ITGA11: variants seen among roughly 807,000 people sequenced by gnomAD.
The protein encoded by ITGA11 is integrin subunit alpha 11, also known as integrin alpha-11.
A neutral mutation model predicts 141.9 loss-of-function variants in ITGA11; 97 were observed. The ratio of observed to expected loss-of-function variants is 0.68; its 90% CI spans 0.58 to 0.81. The LOEUF (loss-of-function observed/expected upper bound fraction) is 0.81. Among genes scored for constraint, ITGA11 ranks in the 30% least tolerant of loss-of-function variants. The pLI is 0.00. For synonymous variants in ITGA11, 658 were observed against 624.6 expected (o/e 1.05, Z -0.80); for missense variants, 1,387 against 1,559.2 (o/e 0.89, Z 1.86).
rs151266879 is a variant in ITGA11, at chr15:68,369,203, G to T, written c.246C>A (p.Asn82Lys). 128 of 1,613,698 alleles carry T rather than the reference G, an allele frequency of 7.9e-5. No homozygotes were observed. Among genetic ancestry groups the T allele is most frequent in the Non-Finnish European group, 1.0e-4 (120 of 1,179,622 alleles). The stretch of plus-strand genomic sequence containing the variant: ...CGTTACCCAGGTTGAGTTTGGTGCA[G>T]TTCCCGTGGATCACTGGACACTTGT... ...DVYKCPVIHG[N>K]CTKLNLGRVT... Residue 82 changes from asparagine to lysine, a missense_variant, in exon 3 of 30, where the codon AAC (asparagine) becomes AAA (lysine). Coordinates refer to ENST00000315757, the MANE Select transcript of ITGA11 (RefSeq NM_001004439.2).
intron 2 of ITGA11, among the ~76,000 whole-genome samples, chr15:68,380,612 C>A (rs931435875): frequency 7.2e-5 from 11 of 152,108 alleles, no homozygotes; most frequent in Admixed American, 5.9e-4. Flanking sequence ...CTGGAGGGGG[C>A]AACTCCTGGA....
rs118033233 is a variant in ITGA11 at position 68,320,658 on chromosome 15, C to T, written c.2409-266G>A. ...AACCCAGAGCTCTTATTTGACCTCA[C>T]CACTCACGCATCACCACTCCGCACA... On this transcript the variant is annotated intron_variant, in intron 19 of 29. Transcript: ENST00000315757. Among the ~76,000 whole-genome samples, 550 of 152,326 alleles carry T rather than the reference C, an allele frequency of 3.6e-3. 5 individuals carry two copies. Among genetic ancestry groups the T allele is most frequent in the Non-Finnish European group, 2.3e-3 (158 of 68,040 alleles).
intron 2 of ITGA11, among the ~76,000 whole-genome samples, chr15:68,398,828 T>A (rs1896391999): frequency 7.7e-3 from 1 of 130 alleles, no homozygotes. Context: ...TAGTATAAAA[T>A]ATAAATATTT....
Position 68,328,341 on chromosome 15 carries a change from C to T in ITGA11, c.1902-79G>A, listed in dbSNP as rs534512794. ...CTGTGACCATGGGGAAAGACAAGAA[C>T]CAGATGCGAGTGGGATCTGCAAAGC... On this transcript the variant is annotated intron_variant, in intron 15 of 29. Coordinates refer to ENST00000315757, the MANE Select transcript of ITGA11 (RefSeq NM_001004439.2). This position sits in a 1 kb window ranked among gnomAD's most constrained non-coding sequence, Gnocchi z 4.8. The T allele has an allele frequency of 7.7e-4, 1,066 of 1,376,768 alleles. 11 individuals carry two copies. In the South Asian group the frequency reaches 0.011, roughly 14 times the overall value. The allele number at this position is 1,376,768 out of a possible 1,614,324, so 85.3% of individuals were successfully genotyped here. A position where few individuals can be genotyped will look rare whatever the true frequency, so the allele number is the denominator to read the frequency against.
Position 68,308,357 on chromosome 15 carries a change from A to G in ITGA11, c.3175-661T>C, listed in dbSNP as rs1019992375. Among the ~76,000 whole-genome samples the G allele has an allele frequency of 2.0e-5, 3 of 152,244 alleles. No homozygotes were observed. Among genetic ancestry groups the G allele is most frequent in the Admixed American group, 2.0e-4 (3 of 15,288 alleles). On this transcript the variant is annotated intron_variant, in intron 26 of 29. Transcript: ENST00000315757. This position sits in a 1 kb window ranked among gnomAD's most constrained non-coding sequence, Gnocchi z 5.2. ...AAATTTATGGTGAAACTTGAGTGAA[A>G]GAACAGTGAAATCACTGATGCTTTA...
intron 1 of ITGA11, among the ~76,000 whole-genome samples, chr15:68,416,909 C>A (rs1165856927): frequency 6.6e-6 from 1 of 152,114 alleles, no homozygotes; most frequent in African/African-American, 2.4e-5. Flanking sequence ...TATGGAGACC[C>A]CATCTCCGTA....
At chr15:68,311,471 G>T (rs1176056170) in intron 24 of ITGA11, 68 bp from the exon 25 acceptor site, 2 of 1,102,102 alleles carry the variant, frequency 1.8e-6, no homozygotes, top group African/African-American at 1.6e-5. Context: ...GTCCACAGGG[G>T]CCAACCAGCC....
intron 14 of ITGA11, among the ~76,000 whole-genome samples, chr15:68,331,431 C>T (rs1894153532): frequency 6.6e-6 from 1 of 152,096 alleles, no homozygotes; most frequent in Non-Finnish European, 1.5e-5. Flanking sequence ...ACCGTGTGGG[C>T]AAAAGAATGA....
Position 68,324,092 on chromosome 15 carries a change from C to T in ITGA11, c.2322+1039G>A, listed in dbSNP as rs1276709053. The stretch of plus-strand genomic sequence containing the variant: ...CTTTCCCCTTCTCCCGGCTCACTAA[C>T]GATGAATCCAGCTTTGCCAGCCCAG... On this transcript the variant is annotated intron_variant, in intron 18 of 29. Transcript: ENST00000315757. This position sits in a 1 kb window ranked among gnomAD's most constrained non-coding sequence, Gnocchi z 6.3. Among the ~76,000 whole-genome samples, 4 of 151,862 alleles carry T rather than the reference C, an allele frequency of 2.6e-5. No homozygotes were observed. The highest frequency in any genetic ancestry group is 4.1e-4 in the South Asian group (2 of 4,822).
In ITGA11 at chr15:68,328,269, G is replaced by A. The variant is rs1894045927; in HGVS notation, c.1902-7C>T. Reference sequence around the variant, plus strand: ...CTGAACCACTGGGCGGGACCTGGAGGAGAAGGGCCAGTGAGCTGGGGTGGG... The same window carrying A: ...CTGAACCACTGGGCGGGACCTGGAGAAGAAGGGCCAGTGAGCTGGGGTGGG... On this transcript the variant is annotated splice_region_variant and splice_polypyrimidine_tract_variant and intron_variant, in intron 15 of 29. Transcript: ENST00000315757. The surrounding 1 kb of genome is among the most constrained non-coding windows in gnomAD (Gnocchi z 4.8). 2 of 1,612,324 alleles carry A rather than the reference G, an allele frequency of 1.2e-6. No homozygotes were observed. Among genetic ancestry groups the A allele is most frequent in the Non-Finnish European group, 8.5e-7 (1 of 1,178,896 alleles).
In ITGA11 at chr15:68,380,198, G is replaced by A. The variant is rs143980509; in HGVS notation, c.165-10914C>T. Among the ~76,000 whole-genome samples the A allele has an allele frequency of 2.3e-3, 347 of 152,314 alleles. 1 individual carries two copies. The highest frequency in any genetic ancestry group is 4.1e-3 in the Non-Finnish European group (277 of 68,028). On this transcript the variant is annotated intron_variant, in intron 2 of 29. Coordinates refer to ENST00000315757, the MANE Select transcript of ITGA11 (RefSeq NM_001004439.2). ...CTTCCAGCTGTGTCTACCAGCCACA[G>A]GGATTTGGGTAACGCAGAAAAAGGA...
chr15:68,321,182 T>A lies in ITGA11; in HGVS notation c.2408+236A>T, dbSNP rs890201832. ...AAGGGTTTCTTTTTTTTTTTTTTTT[T>A]AACAAAATTTGAAATTAGATTAGAC... is the stretch of plus-strand genomic sequence containing the variant. On this transcript the variant is annotated intron_variant, in intron 19 of 29. Transcript: ENST00000315757. The surrounding 1 kb of genome is among the most constrained non-coding windows in gnomAD (Gnocchi z 4.9). Among the ~76,000 whole-genome samples the A allele has an allele frequency of 5.7e-5, 7 of 122,548 alleles. No homozygotes were observed. Among genetic ancestry groups the A allele is most frequent in the African/African-American group, 2.1e-4 (7 of 34,026 alleles). The allele number at this position is 122,548 out of a possible 152,430, so 80.4% of individuals were successfully genotyped here.
chr15:68,339,727 A>T, intron 10 of ITGA11, 83 bp from the exon 11 acceptor site: 7 of 1,533,358 alleles, frequency 4.6e-6, no homozygotes, highest in Non-Finnish European at 6.3e-6. Context: ...ATGACCAGTG[A>T]CGCCTCCACC....
At chr15:68,362,667 AATGGATGGAAG>A (rs200607259) in intron 4 of ITGA11, among the ~76,000 whole-genome samples, 4,261 of 152,050 alleles carry the variant, frequency 0.028, 195 homozygotes, top group African/African-American at 0.098. Flanking sequence ...TGGATGGATA[AATGGATGGAAG>A]ATGGATGGAA....
chr15:68,352,118 AAAC>A (rs1370957225), intron 7 of ITGA11, among the ~76,000 whole-genome samples: 2 of 149,756 alleles, frequency 1.3e-5, no homozygotes, highest in African/African-American at 2.5e-5. Flanking sequence ...ACAAACAAAC[AAAC>A]ACCATTGATG....
rs115964976 is a variant in ITGA11, at chr15:68,366,973, G to A, written c.266-2175C>T. Among the ~76,000 whole-genome samples the A allele has an allele frequency of 5.8e-3, 880 of 152,272 alleles. 8 individuals carry two copies. Among genetic ancestry groups the A allele is most frequent in the African/African-American group, 0.02 (834 of 41,548 alleles). On this transcript the variant is annotated intron_variant, in intron 3 of 29. Transcript: ENST00000315757. ...GTGCTGCCCAGTGCCTGGAACGGCC[G>A]TAGGAAAACCCAGGACTCAGGTTTC...
rs138676648 is a variant in ITGA11 at position 68,362,509 on chromosome 15, C to T, written c.358-805G>A. On this transcript the variant is annotated intron_variant, in intron 4 of 29. Coordinates refer to ENST00000315757, the MANE Select transcript of ITGA11 (RefSeq NM_001004439.2). ...CATAATGTTTGGAAGTGGCAGGGGA[C>T]AGAGGGGAATAAAGAATGGATAGAT... Among the ~76,000 whole-genome samples the T allele has an allele frequency of 7.2e-5, 11 of 152,052 alleles. No homozygotes were observed. In the East Asian group the frequency reaches 1.9e-3, roughly 27 times the overall value.
chr15:68,427,605 T>A (rs1897174844), intron 1 of ITGA11, among the ~76,000 whole-genome samples: 1 of 152,156 alleles, frequency 6.6e-6, no homozygotes, highest in Admixed American at 6.5e-5. Flanking sequence ...AGATCTTAAG[T>A]ATATAGTATG....
intron 3 of ITGA11, among the ~76,000 whole-genome samples, chr15:68,367,442 G>T (rs1342690638): frequency 6.6e-6 from 1 of 152,080 alleles, no homozygotes; most frequent in Non-Finnish European, 1.5e-5. Flanking sequence ...CTCCTCCTTT[G>T]TCTGGAGTGC....
Sources: gnomAD v4.1 joint callset for allele counts (sites outside exome capture counted in the v4.1 genomes callset) on GRCh38, gnomAD v4.1.1 for gene constraint, Gnocchi (gnomAD v3.1) non-coding constraint, MANE v1.5 for transcripts, NCBI Gene and HGNC (gene_info 2026-07-23, HGNC 2026-07-21) for gene names.